The following ABCC8 variants were observed in gnomAD, a reference collection of about 807,000 sequenced individuals.
ABCC8 encodes ATP-binding cassette sub-family C member 8.
A neutral mutation model predicts 188.0 loss-of-function variants in ABCC8; 137 were observed. That is an observed-to-expected ratio of 0.73 (90% CI 0.63 to 0.84). The LOEUF is 0.84. Among genes scored for constraint, ABCC8 ranks in the 40% least tolerant of loss-of-function variants. ABCC8 has a pLI of 0.00. For synonymous variants in ABCC8, 797 were observed against 846.5 expected (o/e 0.94, Z 1.01); for missense variants, 1,750 against 2,072.7 (o/e 0.84, Z 3.02).
At position 17,397,213 on chromosome 11, in the gene ABCC8, T is replaced by C. The variant is rs1294917475; in HGVS notation, c.3968A>G (p.Glu1323Gly). 2 of 1,613,606 alleles carry C rather than the reference T, an allele frequency of 1.2e-6. No individual in the cohort carries two copies. The highest frequency in any genetic ancestry group is 1.7e-6 in the Non-Finnish European group (2 of 1,179,980). The change falls in exon 32 of 39, where the codon GAG (glutamate) becomes GGG (glycine). Residue 1323 changes from glutamate (E) to glycine (G), a missense_variant. Coordinates refer to ENST00000389817, the MANE Select transcript of ABCC8 (RefSeq NM_000352.6). Reference protein sequence around the residue: ...RIHGLLKTEAESYEGLLAPSL... With the variant: ...RIHGLLKTEAGSYEGLLAPSL... ...CTCACCCAGGAGCCCCTCGTAGCTC[T>C]CTGCCTCGGTTTTCAGGAGCCCATG...
At chr11:17,409,013 G>C (rs1015366993) in intron 22 of ABCC8, among the ~76,000 whole-genome samples, 1 of 150,302 alleles carries the variant, frequency 6.7e-6, no homozygotes, top group Non-Finnish European at 1.5e-5. Context: ...GGGTGCAATG[G>C]CACCATCTCA....
intron 3 of ABCC8, among the ~76,000 whole-genome samples, chr11:17,468,797 G>A (rs901508417): frequency 6.6e-6 from 1 of 152,180 alleles, no homozygotes; most frequent in Admixed American, 6.5e-5. Context: ...GAGGCTGGGG[G>A]AATTAGCCTG....
intron 7 of ABCC8, among the ~76,000 whole-genome samples, chr11:17,450,348 T>TC (rs1313562046): frequency 2.6e-4 from 38 of 143,970 alleles, no homozygotes; most frequent in Middle Eastern, 7.1e-3. Flanking sequence ...TTCCTTTCTT[T>TC]CTTTCTTTCC....
At chr11:17,432,540 AG>A (rs1433478269) in intron 10 of ABCC8, among the ~76,000 whole-genome samples, 26 of 152,120 alleles carry the variant, frequency 1.7e-4, no homozygotes, top group Admixed American at 1.7e-3. Flanking sequence ...AGGATGGGAG[AG>A]TTGGCTGGCT....
At chr11:17,435,655 C>G in intron 10 of ABCC8, 2 of 1,407,976 alleles carry the variant, frequency 1.4e-6, no homozygotes, top group African/African-American at 2.8e-5. Flanking sequence ...GAAGATGATG[C>G]TGGGAACCTC....
chr11:17,462,673 A>G (rs973332365), intron 4 of ABCC8, among the ~76,000 whole-genome samples: 2 of 152,262 alleles, frequency 1.3e-5, no homozygotes, highest in Non-Finnish European at 2.9e-5. Context: ...ATAGCTGAAC[A>G]CATTATGGCT....
chr11:17,402,701 C>T lies in ABCC8; in HGVS notation c.3610G>A (p.Ala1204Thr). 2 of 1,614,218 alleles carry T rather than the reference C, an allele frequency of 1.2e-6. No homozygotes were observed. The highest frequency in any genetic ancestry group is 8.5e-7 in the Non-Finnish European group (1 of 1,180,040). ...TTQLPLLSHF[A>T]ETVEGLTTIR... ...GTGGTGAGTCCTTCTACGGTTTCGG[C>T]AAAGTGTGAGAGAAGTGGAAGCTGG... The change falls in exon 29 of 39, where the codon GCC (alanine) becomes ACC (threonine). Residue 1204 changes from alanine to threonine, a missense_variant. Transcript: ENST00000389817.
intron 21 of ABCC8, 66 bp downstream of exon 21, chr11:17,412,600 G>A (rs1591759857): frequency 1.3e-6 from 2 of 1,557,906 alleles, no homozygotes; most frequent in Non-Finnish European, 1.7e-6. Flanking sequence ...TTGCGGGGAG[G>A]TGGAGGTGGG....
Position 17,402,694 on chromosome 11 carries a change from G to A in ABCC8, c.3617C>T (p.Thr1206Ile), listed in dbSNP as rs747036192. 5.0e-5 allele frequency: 80 copies of A among 1,614,236 alleles called. 2 individuals carry two copies. The South Asian group carries it at 8.5e-4, about 17-fold the overall frequency. ...CCGGATGGTGGTGAGTCCTTCTACGGTTTCGGCAAAGTGTGAGAGAAGTGG... is the reference window on the plus strand; with the variant it reads ...CCGGATGGTGGTGAGTCCTTCTACGATTTCGGCAAAGTGTGAGAGAAGTGG... ...QLPLLSHFAETVEGLTTIRAF... is the reference protein window; with the variant it reads ...QLPLLSHFAEIVEGLTTIRAF... The change falls in exon 29 of 39, where the codon ACC becomes ATC. Residue 1206 changes from threonine to isoleucine, a missense_variant. By Grantham distance (89) the Thr-to-Ile change is moderately conservative. Transcript: ENST00000389817.
At chr11:17,416,897 A>G in intron 17 of ABCC8, 33 bp downstream of exon 17, 1 of 1,493,348 alleles carries the variant, frequency 6.7e-7, no homozygotes, top group African/African-American at 1.4e-5. Context: ...CCCTTTGTTG[A>G]GACCCACTTC....
At chr11:17,411,867 T>C (rs1461074950) in intron 21 of ABCC8, among the ~76,000 whole-genome samples, 1 of 151,246 alleles carries the variant, frequency 6.6e-6, no homozygotes, top group Non-Finnish European at 1.5e-5. Flanking sequence ...TGACATGAAG[T>C]AGTGTAAGGA....
intron 7 of ABCC8, among the ~76,000 whole-genome samples, chr11:17,449,541 T>C (rs1282341302): frequency 2.0e-5 from 3 of 152,192 alleles, no homozygotes; most frequent in African/African-American, 4.8e-5. Context: ...AGAGCAGCCA[T>C]GGTAATGGCC....
At chr11:17,413,057 G>A (rs1954892425) in intron 20 of ABCC8, 3 of 607,738 alleles carry the variant, frequency 4.9e-6, no homozygotes, top group Non-Finnish European at 8.4e-6. Flanking sequence ...AATCCTGTTC[G>A]TCTAAGCTTG....
chr11:17,447,154 T>A (rs891423392), intron 8 of ABCC8, among the ~76,000 whole-genome samples: 1 of 152,220 alleles, frequency 6.6e-6, no homozygotes, highest in Non-Finnish European at 1.5e-5. Flanking sequence ...TTCTGCTACA[T>A]CAAGCTCTCC....
intron 19 of ABCC8, 170 bp from the exon 20 acceptor site, chr11:17,413,648 G>A (rs1954927539): frequency 8.1e-6 from 11 of 1,358,734 alleles, no homozygotes; most frequent in East Asian, 2.5e-5. Flanking sequence ...AAAGAGCTGA[G>A]GTCAGCACTT....
intron 3 of ABCC8, among the ~76,000 whole-genome samples, chr11:17,469,253 A>T (rs1248483894): frequency 6.6e-6 from 1 of 151,958 alleles, no homozygotes; most frequent in East Asian, 1.9e-4. Flanking sequence ...CACCATGCCC[A>T]GCTAATTTTT....
Position 17,475,019 on chromosome 11 carries a change from T to C in ABCC8, c.157A>G (p.Ser53Gly). Residue 53 changes from serine (S) to glycine (G), a missense_variant, in exon 2 of 39, where the codon AGT becomes GGT. Transcript: ENST00000389817. The part of the protein sequence containing the change: ...TFPILFIGWG[S>G]QSSKVHIHHS... The stretch of plus-strand genomic sequence containing the variant: ...TGGATGTGCACCTTGGAGCTCTGAC[T>C]TCCCCATCCTGCAGGGAGAGACAGT... 1 of 1,614,156 alleles carries C rather than the reference T, an allele frequency of 6.2e-7. No homozygotes were observed. The highest frequency in any genetic ancestry group is 8.5e-7 in the Non-Finnish European group (1 of 1,180,024).
intron 19 of ABCC8, 71 bp downstream of exon 19, chr11:17,414,441 C>G: frequency 1.3e-6 from 2 of 1,590,430 alleles, no homozygotes; most frequent in Non-Finnish European, 1.7e-6. Flanking sequence ...TGGAGGGGCC[C>G]GGAACTGGGG....
In ABCC8 at chr11:17,407,052, A is replaced by C. The variant is rs768341750; in HGVS notation, c.2998T>G (p.Cys1000Gly). 6.2e-7 allele frequency: 1 copy of C among 1,614,110 alleles called. No homozygotes were observed. The highest frequency in any genetic ancestry group is 2.2e-5 in the East Asian group (1 of 44,874). The part of the protein sequence containing the change: ...HQRAEIPWRA[C>G]AKYLSSAGIL... ...CCGGCGGAGGACAGGTACTTGGCGC[A>C]GGCTCGCCATGGGATCTCAGCACGC... Residue 1000 changes from cysteine (C) to glycine (G), a missense_variant, in exon 25 of 39, where the codon TGC becomes GGC. Transcript: ENST00000389817.
Sources: allele counts gnomAD v4.1 joint callset (sites outside exome capture counted in the v4.1 genomes callset), GRCh38; gene constraint gnomAD v4.1.1; transcripts MANE v1.5; gene names NCBI Gene and HGNC (gene_info 2026-07-23, HGNC 2026-07-21).